Variants in SAXO1 observed in about 807,000 individuals in gnomAD.
SAXO1 encodes the protein 4930500O09Rik.
In SAXO1, 21 loss-of-function variants were observed where a neutral mutation model predicts 17.5. That is an observed-to-expected ratio of 1.20 (90% CI 0.85 to 1.72). The LOEUF is 1.72. SAXO1 is among the 40% of genes most tolerant of loss of function. SAXO1 has a pLI of 0.00. For synonymous variants in SAXO1, 274 were observed against 216.5 expected, an observed-to-expected ratio of 1.27 and a Z score of -2.33; for missense variants, 843 against 596.0, an observed-to-expected ratio of 1.41 and a Z score of -4.32.
intron 1 of SAXO1, among the ~76,000 whole-genome samples, chr9:18,959,768 T>A (rs1031074372): frequency 2.1e-5 from 3 of 142,676 alleles, no homozygotes; most frequent in Non-Finnish European, 4.4e-5. Context: ...TGAAACTCTG[T>A]CTAAGAAAAA....
intron 1 of SAXO1, among the ~76,000 whole-genome samples, chr9:19,019,481 C>A (rs1298264433): frequency 6.6e-6 from 1 of 152,110 alleles, no homozygotes; most frequent in African/African-American, 2.4e-5. Context: ...GTAATCCAGG[C>A]ACTTTGGGAG....
intron 1 of SAXO1, among the ~76,000 whole-genome samples, chr9:19,024,895 C>A (rs1302196893): frequency 6.6e-6 from 1 of 152,132 alleles, no homozygotes; most frequent in Non-Finnish European, 1.5e-5. Flanking sequence ...ACGTTTAAAA[C>A]TGCCCACTAC....
At chr9:18,968,069 G>A (rs1217567679) in intron 1 of SAXO1, among the ~76,000 whole-genome samples, 1 of 152,150 alleles carries the variant, frequency 6.6e-6, no homozygotes, top group Non-Finnish European at 1.5e-5. Context: ...ACCTTCTGTG[G>A]GCCTCAGCCA....
At chr9:19,015,773 C>G (rs938694259) in intron 1 of SAXO1, among the ~76,000 whole-genome samples, 3 of 151,916 alleles carry the variant, frequency 2.0e-5, no homozygotes, top group Admixed American at 6.6e-5. Context: ...GCCATGGCAC[C>G]CAGACATATC....
Position 18,928,551 on chromosome 9 carries a change from G to A in SAXO1, c.926C>T (p.Ala309Val), listed in dbSNP as rs1406713013. The part of the protein sequence containing the change: ...DRMDLLTTVQ[A>V]HYTCPKGAPA... ...GGCACCCTTAGGGCATGTGTAATGG[G>A]CCTGCACTGTTGTCAGAAGATCCAT... The change falls in exon 4 of 4, where the codon GCC becomes GTC. Residue 309 changes from alanine to valine, a missense_variant. Ala to Val is a moderately conservative substitution (Grantham distance 64). Transcript: ENST00000380534. 8 of 1,614,026 alleles carry A rather than the reference G, an allele frequency of 5.0e-6. No individual in the cohort carries two copies. The East Asian group carries it at 6.7e-5, about 13-fold the overall frequency.
chr9:19,010,478 G>GA (rs567438499), intron 1 of SAXO1, among the ~76,000 whole-genome samples: 2,047 of 143,044 alleles, frequency 0.014, 10 homozygotes, highest in African/African-American at 0.026. Context: ...ATATTTCTAG[G>GA]AAAAAAAAAA....
chr9:19,001,395 C>G (rs2383082), intron 1 of SAXO1, among the ~76,000 whole-genome samples: 72,392 of 151,846 alleles, frequency 0.48, 18,408 homozygotes, highest in Non-Finnish European at 0.57. Context: ...AAGCCAGGTG[C>G]GGTGGCTCAC....
chr9:18,959,867 A>G (rs566982768), intron 1 of SAXO1, among the ~76,000 whole-genome samples: 1 of 152,198 alleles, frequency 6.6e-6, no homozygotes, highest in South Asian at 2.1e-4. Flanking sequence ...TTCCAGGAGT[A>G]GTAATGCCAA....
chr9:19,008,241 G>A (rs1330738065), intron 1 of SAXO1, among the ~76,000 whole-genome samples: 1 of 152,240 alleles, frequency 6.6e-6, no homozygotes, highest in South Asian at 2.1e-4. Context: ...GCCTCTCAAA[G>A]TGCTGGGATT....
At chr9:18,973,217 G>C (rs1227726671) in intron 1 of SAXO1, among the ~76,000 whole-genome samples, 6 of 152,204 alleles carry the variant, frequency 3.9e-5, no homozygotes, top group African/African-American at 1.4e-4. Context: ...CCAGGTAAAG[G>C]TTGGTGAAAA....
chr9:18,957,626 C>A (rs1019486591), intron 1 of SAXO1, among the ~76,000 whole-genome samples: 3 of 152,280 alleles, frequency 2.0e-5, no homozygotes, highest in East Asian at 3.9e-4. Context: ...AGAGGGGAAG[C>A]TGCCCAGGAT....
rs182387877 is a variant in SAXO1, at chr9:18,999,563, C to T, written c.38+33308G>A. On this transcript the variant is annotated intron_variant, in intron 1 of 3. Coordinates refer to ENST00000380534, the MANE Select transcript of SAXO1 (RefSeq NM_153707.4). ...GTCTGGGAAGTGAGGAGCGCCGCTG[C>T]CTGGCCGCCACACCATCTGGGAAGT... is the stretch of plus-strand genomic sequence containing the variant. 5.5e-3 allele frequency among the ~76,000 whole-genome samples: 811 copies of T among 148,296 alleles called. 30 individuals carry two copies. The highest frequency in any genetic ancestry group is 0.02 in the African/African-American group (774 of 39,618).
At chr9:19,048,318 G>A (rs561814089) in intron 1 of SAXO1, among the ~76,000 whole-genome samples, 1 of 152,160 alleles carries the variant, frequency 6.6e-6, no homozygotes, top group Non-Finnish European at 1.5e-5. Flanking sequence ...TTAGCCGGGC[G>A]TGGTGGCAGG....
At chr9:19,045,980 G>A (rs547439498) in intron 1 of SAXO1, among the ~76,000 whole-genome samples, 1 of 151,744 alleles carries the variant, frequency 6.6e-6, no homozygotes, top group African/African-American at 2.4e-5. Context: ...CCAGCTGCTG[G>A]AGAAGGCTGA....
intron 1 of SAXO1, among the ~76,000 whole-genome samples, chr9:18,961,119 G>T (rs1832465275): frequency 6.6e-6 from 1 of 151,822 alleles, no homozygotes; most frequent in Admixed American, 6.6e-5. Flanking sequence ...AAATGCTAAA[G>T]TATTTAGAGG....
chr9:19,024,498 A>G (rs945625252), intron 1 of SAXO1, among the ~76,000 whole-genome samples: 1 of 152,112 alleles, frequency 6.6e-6, no homozygotes, highest in African/African-American at 2.4e-5. Context: ...ATGCTAAATG[A>G]CGAGTTAATG....
At chr9:19,002,945 G>A (rs574813489) in intron 1 of SAXO1, among the ~76,000 whole-genome samples, 3 of 152,298 alleles carry the variant, frequency 2.0e-5, no homozygotes, top group African/African-American at 4.8e-5. Context: ...CAAAGACGAA[G>A]TCAAATTGTC....
intron 1 of SAXO1, among the ~76,000 whole-genome samples, chr9:19,006,796 A>G: frequency 6.6e-6 from 1 of 152,228 alleles, no homozygotes; most frequent in East Asian, 1.9e-4. Context: ...CTATAATCCT[A>G]GCCCTCTGGG....
At chr9:19,016,839 G>A (rs1588537624) in intron 1 of SAXO1, among the ~76,000 whole-genome samples, 1 of 95,754 alleles carries the variant, frequency 1.0e-5, no homozygotes. Context: ...AACATTTTTT[G>A]AGATACCTTT....
Sources: allele counts gnomAD v4.1 joint callset (sites outside exome capture counted in the v4.1 genomes callset), GRCh38; gene constraint gnomAD v4.1.1; transcripts MANE v1.5; gene names NCBI Gene and HGNC (gene_info 2026-07-23, HGNC 2026-07-21).